REDIC1: variants seen among roughly 807,000 people sequenced by gnomAD.
The protein encoded by REDIC1 is regulator of DNA class I crossover intermediates 1, also known as HEI10 Interacting Protein 1.
chr12:39,677,879 A>G, the REDIC1 span, among the ~76,000 whole-genome samples: 1 of 152,180 alleles, frequency 6.6e-6, no homozygotes, highest in Non-Finnish European at 1.5e-5. Context: ...AAATCTAAAC[A>G]TTCTTTGAAC....
At chr12:39,696,471 A>C in the REDIC1 span, among the ~76,000 whole-genome samples, 1 of 130,202 alleles carries the variant, frequency 7.7e-6, no homozygotes, top group Non-Finnish European at 1.6e-5. Context: ...TGAACCCGGG[A>C]GGCGGAGCTT....
At chr12:39,895,514 TTATATATA>T in the REDIC1 span, among the ~76,000 whole-genome samples, 17,557 of 56,242 alleles carry the variant, frequency 0.31, 3,328 homozygotes, top group Non-Finnish European at 0.35. Context: ...AAAAAAAAAA[TTATATATA>T]TATATATATA....
At chr12:39,858,779 T>C in the REDIC1 span, among the ~76,000 whole-genome samples, 1 of 152,134 alleles carries the variant, frequency 6.6e-6, no homozygotes, top group Non-Finnish European at 1.5e-5. Flanking sequence ...GCTAATTTTT[T>C]GTATTTTTGG....
At chr12:39,713,613 T>C in the REDIC1 span, among the ~76,000 whole-genome samples, 1 of 149,308 alleles carries the variant, frequency 6.7e-6, no homozygotes. Flanking sequence ...TATACATATG[T>C]ATATACGCAT....
the REDIC1 span, among the ~76,000 whole-genome samples, chr12:39,799,610 G>A: frequency 2.0e-5 from 3 of 152,134 alleles, no homozygotes; most frequent in Non-Finnish European, 4.4e-5. Context: ...CCAGGGGTTA[G>A]CTAAAAACCT....
chr12:39,751,041 C>T, the REDIC1 span, among the ~76,000 whole-genome samples: 2 of 152,230 alleles, frequency 1.3e-5, no homozygotes, highest in South Asian at 4.1e-4. Context: ...GCAATGGCAA[C>T]AAAAGCCAAA....
At chr12:39,827,044 G>A in the REDIC1 span, among the ~76,000 whole-genome samples, 8 of 150,664 alleles carry the variant, frequency 5.3e-5, no homozygotes, top group South Asian at 2.1e-4. Flanking sequence ...TTTTGCACCA[G>A]CCTGATACTC....
chr12:39,906,285 A>C, the REDIC1 span, among the ~76,000 whole-genome samples: 3 of 152,158 alleles, frequency 2.0e-5, no homozygotes, highest in Non-Finnish European at 4.4e-5. Flanking sequence ...ATTATTACCA[A>C]ATCACTGTGT....
At chr12:39,874,368 C>A in the REDIC1 span, among the ~76,000 whole-genome samples, 1 of 152,084 alleles carries the variant, frequency 6.6e-6, no homozygotes, top group Non-Finnish European at 1.5e-5. Context: ...AATCCCAGCA[C>A]TTTGGGAGGC....
At chr12:39,836,252 T>TG in the REDIC1 span, among the ~76,000 whole-genome samples, 2 of 152,058 alleles carry the variant, frequency 1.3e-5, no homozygotes, top group Admixed American at 1.3e-4. Flanking sequence ...TCCTCTACTG[T>TG]GGGATGTGAG....
chr12:39,790,214 TTC>T, the REDIC1 span, among the ~76,000 whole-genome samples: 2,076 of 58,162 alleles, frequency 0.036, 38 homozygotes, highest in African/African-American at 0.098. Context: ...TGTTTTTTTT[TTC>T]TTCTTCTTCT....
At chr12:39,877,836 T>G in the REDIC1 span, among the ~76,000 whole-genome samples, 1 of 152,212 alleles carries the variant, frequency 6.6e-6, no homozygotes, top group African/African-American at 2.4e-5. Flanking sequence ...AATTTGGATA[T>G]TCATCCCTGC....
the REDIC1 span, among the ~76,000 whole-genome samples, chr12:39,802,982 G>A: frequency 6.6e-6 from 1 of 152,144 alleles, no homozygotes; most frequent in Admixed American, 6.6e-5. Context: ...TGGAAAAGAG[G>A]CCTCACTAGA....
the REDIC1 span, among the ~76,000 whole-genome samples, chr12:39,896,450 G>GTGTATATATGTATACATATATGTATA: frequency 8.9e-6 from 1 of 112,858 alleles, no homozygotes; most frequent in African/African-American, 3.7e-5. Context: ...ATATGTATAT[G>GTGTATATATGTATACATATATGTATA]TGTGTATATA....
the REDIC1 span, among the ~76,000 whole-genome samples, chr12:39,666,214 G>A: frequency 6.6e-6 from 1 of 152,100 alleles, no homozygotes; most frequent in Non-Finnish European, 1.5e-5. Context: ...GTCATAAATA[G>A]CTCTTATTAT....
At chr12:39,901,571 G>A in the REDIC1 span, among the ~76,000 whole-genome samples, 1 of 125,850 alleles carries the variant, frequency 7.9e-6, no homozygotes, top group South Asian at 3.0e-4. Flanking sequence ...CATTTATGCA[G>A]CCAAAAAACA....
At chr12:39,764,823 A>T in the REDIC1 span, 10 of 1,612,462 alleles carry the variant, frequency 6.2e-6, no homozygotes, top group Non-Finnish European at 8.5e-6. Flanking sequence ...AGCCCAAAAT[A>T]TATCTTCTGT....
At chr12:39,764,755 G>A in the REDIC1 span, 1 of 1,612,670 alleles carries the variant, frequency 6.2e-7, no homozygotes, top group Non-Finnish European at 8.5e-7. Flanking sequence ...AAGAAGACAA[G>A]ATATAAAATA....
At chr12:39,730,046 G>A in the REDIC1 span, among the ~76,000 whole-genome samples, 1 of 152,098 alleles carries the variant, frequency 6.6e-6, no homozygotes, top group Non-Finnish European at 1.5e-5. Flanking sequence ...TTGAGCCTAT[G>A]TGTGTCTTTG....
Sources: allele counts gnomAD v4.1 joint callset (sites outside exome capture counted in the v4.1 genomes callset), GRCh38; gene constraint gnomAD v4.1.1; transcripts MANE v1.5; gene names NCBI Gene and HGNC (gene_info 2026-07-23, HGNC 2026-07-21).